CAPN5: variants seen among roughly 807,000 people sequenced by gnomAD.
CAPN5 encodes the protein calpain 5, also known as calpain-5.
In CAPN5, 54 loss-of-function variants were observed where a neutral mutation model predicts 73.0. The ratio of observed to expected loss-of-function variants is 0.74; its 90% CI spans 0.59 to 0.93. The LOEUF (loss-of-function observed/expected upper bound fraction) is 0.93, where lower values mean the gene tolerates loss of function less well. Among genes scored for constraint, CAPN5 ranks in the 40% least tolerant of loss-of-function variants. The pLI, the probability that CAPN5 is intolerant of heterozygous loss-of-function variation, is 0.00. For missense variants in CAPN5, 785 were observed against 882.9 expected (o/e 0.89, Z 1.41); for synonymous variants, 335 against 356.9 (o/e 0.94, Z 0.69).
chr11:77,068,310 G>A (rs1949867399), intron 1 of CAPN5, among the ~76,000 whole-genome samples: 1 of 152,244 alleles, frequency 6.6e-6, no homozygotes, highest in African/African-American at 2.4e-5. Flanking sequence ...CTCAGGCGGG[G>A]TCTTTGCCCT....
intron 3 of CAPN5, among the ~76,000 whole-genome samples, chr11:77,109,891 G>T (rs576443272): frequency 2.2e-4 from 34 of 152,294 alleles, no homozygotes; most frequent in African/African-American, 7.5e-4. Context: ...TCCTCCCGAG[G>T]TCCTAGCAGC....
intron 8 of CAPN5, 39 bp from the exon 9 acceptor site, chr11:77,118,991 C>A: frequency 1.3e-6 from 2 of 1,583,702 alleles, no homozygotes; most frequent in South Asian, 1.2e-5. Context: ...GGTGTGGTCT[C>A]ATTGCAGTGT....
intron 1 of CAPN5, among the ~76,000 whole-genome samples, chr11:77,076,517 C>G (rs1591110394): frequency 6.6e-6 from 1 of 152,314 alleles, no homozygotes; most frequent in East Asian, 1.9e-4. Context: ...CAACCTCCCT[C>G]CCCACCCTCA....
rs782789880 is a variant in CAPN5 at position 77,120,742 on chromosome 11, C to T, written c.1320C>T (p.His440=). 6.2e-6 allele frequency: 10 copies of T among 1,612,852 alleles called. No individual in the cohort carries two copies. The highest frequency in any genetic ancestry group is 8.5e-6 in the Non-Finnish European group (10 of 1,179,494). Reference sequence around the variant, plus strand: ...AGGAGAACCGCCAGTACCGCATGCACAGCCTGCAGCACAAGGCCGCCAGCT... The same window carrying T: ...AGGAGAACCGCCAGTACCGCATGCATAGCCTGCAGCACAAGGCCGCCAGCT... ...KVEENRQYRM[H]SLQHKAASSI... Residue 440 remains histidine, a synonymous_variant, in exon 10 of 13, where the codon CAC becomes CAT. Coordinates refer to ENST00000648180, the MANE Select transcript of CAPN5 (RefSeq NM_004055.5).
At chr11:77,111,197 C>A (rs969761766) in intron 3 of CAPN5, among the ~76,000 whole-genome samples, 1 of 152,120 alleles carries the variant, frequency 6.6e-6, no homozygotes, top group Non-Finnish European at 1.5e-5. Flanking sequence ...CTGGGTGCCT[C>A]CTCCTCTCCC....
intron 2 of CAPN5, among the ~76,000 whole-genome samples, chr11:77,092,445 C>G (rs1168563460): frequency 6.6e-6 from 1 of 152,228 alleles, no homozygotes; most frequent in African/African-American, 2.4e-5. Context: ...AGGTGGAAAG[C>G]CCAGGCCAGA....
At chr11:77,114,934 A>T (rs1463436109) in intron 5 of CAPN5, among the ~76,000 whole-genome samples, 2 of 152,274 alleles carry the variant, frequency 1.3e-5, no homozygotes, top group East Asian at 3.9e-4. Flanking sequence ...ATGGTGGCAC[A>T]TGCCTGTAAT....
At chr11:77,103,432 A>C in intron 3 of CAPN5, 1 of 1,424,344 alleles carries the variant, frequency 7.0e-7, no homozygotes, top group Non-Finnish European at 9.5e-7. Context: ...CTCGCTGCTC[A>C]GCCTGTCCTC....
chr11:77,124,137 C>T lies in CAPN5; in HGVS notation c.*267C>T. On this transcript the variant is annotated 3_prime_UTR_variant, in exon 13 of 13. Coordinates refer to ENST00000648180, the MANE Select transcript of CAPN5 (RefSeq NM_004055.5). ...TGTCACCACTGCTAAGGGACTCTAT[C>T]CATTGAGCACATTTTCCTAAGGCCC... 2.1e-6 allele frequency: 1 copy of T among 471,368 alleles called. No homozygotes were observed. The highest frequency in any genetic ancestry group is 3.6e-5 in the East Asian group (1 of 27,930). 29.2% of individuals were successfully genotyped at this position (471,368 alleles called of 1,614,324 possible).
intron 3 of CAPN5, among the ~76,000 whole-genome samples, chr11:77,107,599 A>C (rs1555040133): frequency 6.6e-6 from 1 of 152,044 alleles, no homozygotes; most frequent in East Asian, 1.9e-4. Flanking sequence ...TCTAGGTGGG[A>C]GTCTCCAGGG....
intron 3 of CAPN5, among the ~76,000 whole-genome samples, chr11:77,100,488 C>T (rs1031527626): frequency 3.3e-5 from 5 of 152,168 alleles, no homozygotes; most frequent in Non-Finnish European, 5.9e-5. Flanking sequence ...TCCAGAAGGT[C>T]GGTGCCCCTC....
intron 1 of CAPN5, among the ~76,000 whole-genome samples, chr11:77,078,769 G>A (rs1949998928): frequency 7.5e-6 from 1 of 133,744 alleles, no homozygotes; most frequent in Non-Finnish European, 1.7e-5. Flanking sequence ...GTGTTTCATA[G>A]TTTTCAGTGT....
At chr11:77,097,464 G>GTTTTTTTTTTTTTT (rs58077755) in intron 3 of CAPN5, among the ~76,000 whole-genome samples, 7 of 79,738 alleles carry the variant, frequency 8.8e-5, no homozygotes, top group African/African-American at 2.9e-4. Context: ...TTTCCTTCTA[G>GTTTTTTTTTTTTTT]TTTTTTTTTT....
intron 3 of CAPN5, among the ~76,000 whole-genome samples, chr11:77,104,628 C>A (rs984469049): frequency 6.6e-6 from 1 of 152,208 alleles, no homozygotes; most frequent in Admixed American, 6.5e-5. Flanking sequence ...AGAGCCCCCC[C>A]TTTTGGGGGA....
chr11:77,072,702 C>T (rs1256876924), intron 1 of CAPN5, among the ~76,000 whole-genome samples: 3 of 152,222 alleles, frequency 2.0e-5, no homozygotes, highest in African/African-American at 7.2e-5. Context: ...TGAGGAATGG[C>T]GCACTTCAGT....
intron 2 of CAPN5, chr11:77,088,082 C>G: frequency 6.6e-7 from 1 of 1,520,950 alleles, no homozygotes; most frequent in Non-Finnish European, 8.8e-7. Flanking sequence ...TCCTGTCACC[C>G]TGTGGGGGCA....
chr11:77,100,116 C>T (rs1315439368), intron 3 of CAPN5, among the ~76,000 whole-genome samples: 1 of 152,186 alleles, frequency 6.6e-6, no homozygotes, highest in African/African-American at 2.4e-5. Context: ...GGATTACAGG[C>T]GTGAGCCACT....
At chr11:77,105,742 C>T (rs1428793912) in intron 3 of CAPN5, among the ~76,000 whole-genome samples, 3 of 152,196 alleles carry the variant, frequency 2.0e-5, no homozygotes, top group Admixed American at 1.3e-4. Flanking sequence ...ATTGTCAAAC[C>T]TGTGCTGGGC....
At chr11:77,100,975 A>T (rs1195104248) in intron 3 of CAPN5, among the ~76,000 whole-genome samples, 1 of 151,428 alleles carries the variant, frequency 6.6e-6, no homozygotes, top group Non-Finnish European at 1.5e-5. Context: ...AGTCTCTCTG[A>T]CCTCACCTTC....
Sources: allele counts gnomAD v4.1 joint callset (sites outside exome capture counted in the v4.1 genomes callset), GRCh38; gene constraint gnomAD v4.1.1; transcripts MANE v1.5; gene names NCBI Gene and HGNC (gene_info 2026-07-23, HGNC 2026-07-21).